BOD1L1: variants seen among roughly 807,000 people sequenced by gnomAD.
BOD1L1 encodes the protein biorientation of chromosomes in cell division 1 like 1.
A neutral mutation model predicts 240.7 loss-of-function variants in BOD1L1; 86 were observed. The ratio of observed to expected loss-of-function variants is 0.36; its 90% CI spans 0.30 to 0.43. The LOEUF (loss-of-function observed/expected upper bound fraction) is 0.43. Among genes scored for constraint, BOD1L1 ranks in the 20% least tolerant of loss-of-function variants. The pLI, the probability that BOD1L1 is intolerant of heterozygous loss-of-function variation, is 1.00. For missense variants in BOD1L1, 3,554 were observed against 3,643.5 expected, an observed-to-expected ratio of 0.98 and a Z score of 0.63; for synonymous variants, 1,268 against 1,272.3, an observed-to-expected ratio of 1.00 and a Z score of 0.07.
chr4:13,627,381 C>G lies in BOD1L1; in HGVS notation c.207G>C (p.Gln69His). 4 of 1,372,710 alleles carry G rather than the reference C, an allele frequency of 2.9e-6. No individual in the cohort carries two copies. Among genetic ancestry groups the G allele is most frequent in the Non-Finnish European group, 3.8e-6 (4 of 1,052,600 alleles). 85.0% of individuals were successfully genotyped at this position (1,372,710 alleles called of 1,614,324 possible). ...CGTCGGCCAGGCAGTCTCTGCGGAA[C>G]TGGTCGAAGAGCCCCTGGCTCTTGA... ...NHLKSQGLFDQFRRDCLADVD... is the reference protein window; with the variant it reads ...NHLKSQGLFDHFRRDCLADVD... Residue 69 changes from glutamine to histidine, a missense_variant, in exon 1 of 26, where the codon CAG becomes CAC. Gln to His is a conservative substitution (Grantham distance 24). This residue lies in a region of BOD1L1 where 161 missense variants were observed against 216.4 expected (regional missense o/e 0.74). Coordinates refer to ENST00000040738, the MANE Select transcript of BOD1L1 (RefSeq NM_148894.3).
rs774287134 is a variant in BOD1L1, at chr4:13,601,321, G to A, written c.5579C>T (p.Ala1860Val). 5.0e-6 allele frequency: 8 copies of A among 1,613,714 alleles called. No homozygotes were observed. The highest frequency in any genetic ancestry group is 2.2e-5 in the East Asian group (1 of 44,888). The change falls in exon 10 of 26, where the codon GCA becomes GTA. Residue 1860 changes from alanine (A) to valine (V), a missense_variant. Coordinates refer to ENST00000040738, the MANE Select transcript of BOD1L1 (RefSeq NM_148894.3). ...CTCCCCTTCCTCGTCTTCCTCTTTT[G>A]CGCCTGTGCTAGTCACAATGCCTTC... ...DDEGIVTSTG[A>V]KEEDEEGEDV...
chr4:13,624,272 C>A (rs1474915348), intron 1 of BOD1L1: 1 of 151,820 alleles, frequency 6.6e-6, no homozygotes, highest in African/African-American at 2.4e-5. Context: ...GTCTGAGCAC[C>A]AGAACTTCAA....
intron 25 of BOD1L1, among the ~76,000 whole-genome samples, chr4:13,573,470 A>ATCTTTCTTTCTT (rs139972436): frequency 1.6e-5 from 2 of 122,632 alleles, no homozygotes; most frequent in African/African-American, 6.0e-5. Flanking sequence ...CTATCTATCT[A>ATCTTTCTTTCTT]TCTTTCTTTC....
intron 13 of BOD1L1, among the ~76,000 whole-genome samples, 160 bp downstream of exon 13, chr4:13,591,763 G>C (rs1714238612): frequency 6.6e-6 from 1 of 152,168 alleles, no homozygotes; most frequent in Admixed American, 6.5e-5. Context: ...CTGCTGTCAG[G>C]ATGCTGAACT....
At chr4:13,586,518 A>C in intron 16 of BOD1L1, 43 bp from the exon 17 acceptor site, 1 of 1,323,326 alleles carries the variant, frequency 7.6e-7, no homozygotes, top group Non-Finnish European at 1.1e-6. Context: ...ACAAAAGCTA[A>C]ATGAAAAATG....
intron 25 of BOD1L1, among the ~76,000 whole-genome samples, chr4:13,575,148 T>G (rs1712599555): frequency 6.6e-6 from 1 of 151,932 alleles, no homozygotes; most frequent in African/African-American, 2.4e-5. Context: ...CTCGAACTCC[T>G]GACCTCGTGA....
In BOD1L1 at chr4:13,581,219, AT is replaced by A; in HGVS notation, c.8593-13del. ...ATTGGCTGATCTTCCTAAGGGGGAA[AT>A]AAAAAACAACAACAGCAATAAGAAA... is the stretch of plus-strand genomic sequence containing the variant. On this transcript the variant is annotated splice_polypyrimidine_tract_variant and intron_variant, in intron 19 of 25. Transcript: ENST00000040738. 6.6e-7 allele frequency: 1 copy of A among 1,526,660 alleles called. No individual in the cohort carries two copies. 94.6% of individuals were successfully genotyped at this position (1,526,660 alleles called of 1,614,324 possible).
chr4:13,603,623 T>A lies in BOD1L1; in HGVS notation c.3277A>T (p.Thr1093Ser). 1 of 1,613,936 alleles carries A rather than the reference T, an allele frequency of 6.2e-7. No individual in the cohort carries two copies. Among genetic ancestry groups the A allele is most frequent in the Non-Finnish European group, 8.5e-7 (1 of 1,179,862 alleles). Reference protein sequence around the residue: ...AKGEEKLAANTLSTPSGSSLQ... With the variant: ...AKGEEKLAANSLSTPSGSSLQ... The stretch of plus-strand genomic sequence containing the variant: ...GAGGAACCGCTGGGAGTGCTCAAAG[T>A]GTTTGCTGCTAATTTTTCTTCTCCT... The change falls in exon 10 of 26, where the codon ACT becomes TCT. Residue 1093 changes from threonine (T) to serine (S), a missense_variant. By Grantham distance (58) the Thr-to-Ser change is moderately conservative. Around this residue, in one of 2 missense-constraint regions of BOD1L1, gnomAD observed 3,393 missense variants for 3,427.1 expected, o/e 0.99. Coordinates refer to ENST00000040738, the MANE Select transcript of BOD1L1 (RefSeq NM_148894.3).
chr4:13,615,580 C>T (rs2108987206), intron 2 of BOD1L1, 78 bp from the exon 3 acceptor site: 3 of 1,291,966 alleles, frequency 2.3e-6, no homozygotes, highest in South Asian at 1.5e-5. Context: ...TAACACTCTA[C>T]AATCTGTCAT....
At chr4:13,586,800 G>C (rs1480151483) in intron 16 of BOD1L1, among the ~76,000 whole-genome samples, 2 of 152,212 alleles carry the variant, frequency 1.3e-5, no homozygotes, top group Non-Finnish European at 2.9e-5. Flanking sequence ...AAGAGGTATA[G>C]CTTAGTAATT....
Position 13,601,973 on chromosome 4 carries a change from T to C in BOD1L1, c.4927A>G (p.Asn1643Asp). The C allele has an allele frequency of 1.2e-6, 2 of 1,614,010 alleles. No individual in the cohort carries two copies. Among genetic ancestry groups the C allele is most frequent in the South Asian group, 1.1e-5 (1 of 91,084 alleles). ...TCCTTTTCCTCTGTCACAACGCTAT[T>C]TACATTGGCTTCGATTTTAACTGCA... ...VHAVKIEANV[N>D]SVVTEEKDDA... is the part of the protein sequence containing the mutation. Residue 1643 changes from asparagine to aspartate, a missense_variant, in exon 10 of 26, where the codon AAT becomes GAT. This residue lies in a region of BOD1L1 where 3,393 missense variants were observed against 3,427.1 expected (regional missense o/e 0.99). Coordinates refer to ENST00000040738, the MANE Select transcript of BOD1L1 (RefSeq NM_148894.3).
Position 13,602,682 on chromosome 4 carries a change from T to G in BOD1L1, c.4218A>C (p.Leu1406Phe), listed in dbSNP as rs770836802. ...CATTTTCTTTCTTGGCCATGTCCAC[T>G]AAGCCACCTTCTTTGGTAATATTCT... Reference protein sequence around the residue: ...ENENITKEGGLVDMAKKENDL... With the variant: ...ENENITKEGGFVDMAKKENDL... Residue 1406 changes from leucine to phenylalanine, a missense_variant, in exon 10 of 26, where the codon TTA (leucine) becomes TTC (phenylalanine). By Grantham distance (22) the Leu-to-Phe change is conservative. This residue lies in a region of BOD1L1 where 3,393 missense variants were observed against 3,427.1 expected (regional missense o/e 0.99). Transcript: ENST00000040738. 3 of 1,614,064 alleles carry G rather than the reference T, an allele frequency of 1.9e-6. No homozygotes were observed. The highest frequency in any genetic ancestry group is 2.5e-6 in the Non-Finnish European group (3 of 1,179,892).
chr4:13,579,153 C>T (rs1032388520), intron 22 of BOD1L1, among the ~76,000 whole-genome samples: 4 of 152,134 alleles, frequency 2.6e-5, no homozygotes, highest in Admixed American at 2.6e-4. Flanking sequence ...AGAGGACTGT[C>T]TTAAAATGGT....
At position 13,585,193 on chromosome 4, in the gene BOD1L1, G is replaced by T. The variant is rs188628412; in HGVS notation, c.8433+1203C>A. On this transcript the variant is annotated intron_variant, in intron 17 of 25. Coordinates refer to ENST00000040738, the MANE Select transcript of BOD1L1 (RefSeq NM_148894.3). Reference sequence around the variant, plus strand: ...TTGGTCAGAACCAACTAAAATTCATGACAATATGCCACTTTCCCTCTTAGG... The same window carrying T: ...TTGGTCAGAACCAACTAAAATTCATTACAATATGCCACTTTCCCTCTTAGG... Among the ~76,000 whole-genome samples the T allele has an allele frequency of 5.9e-5, 9 of 152,238 alleles. No homozygotes were observed. In the East Asian group the frequency reaches 1.7e-3, roughly 29 times the overall value.
Position 13,608,571 on chromosome 4 carries a change from T to G in BOD1L1, c.1701A>C (p.Glu567Asp). 6.5e-6 allele frequency: 10 copies of G among 1,544,608 alleles called. No individual in the cohort carries two copies. Among genetic ancestry groups the G allele is most frequent in the Non-Finnish European group, 8.7e-6 (10 of 1,148,116 alleles). Residue 567 changes from glutamate (E) to aspartate (D), a missense_variant, in exon 8 of 26, where the codon GAA becomes GAC. Glu to Asp is a conservative substitution (Grantham distance 45). Transcript: ENST00000040738. ...KEVLKERKVL[E>D]KKVALSKKRK... Reference sequence around the variant, plus strand: ...TCTTTTTGCTTAAGGCTACTTTTTTTTCTAAAACTTTCCGTTCTTTAAGGA... The same window carrying G: ...TCTTTTTGCTTAAGGCTACTTTTTTGTCTAAAACTTTCCGTTCTTTAAGGA...
intron 1 of BOD1L1, chr4:13,626,319 C>CAAA (rs71169520): frequency 4.7e-4 from 22 of 46,962 alleles, no homozygotes; most frequent in East Asian, 1.6e-3. Context: ...GACTCTGTCT[C>CAAA]AAAAAAAAAA....
At chr4:13,576,190 G>A (rs1489683845) in intron 25 of BOD1L1, among the ~76,000 whole-genome samples, 2 of 151,576 alleles carry the variant, frequency 1.3e-5, no homozygotes, top group Admixed American at 6.6e-5. Flanking sequence ...GTGAGTCACC[G>A]CGCCCAGCCC....
chr4:13,574,238 T>C (rs1712505553), intron 25 of BOD1L1, among the ~76,000 whole-genome samples: 1 of 152,116 alleles, frequency 6.6e-6, no homozygotes, highest in African/African-American at 2.4e-5. Context: ...AGGAAGACCC[T>C]TTCAGAGGAG....
Position 13,569,337 on chromosome 4 carries a change from C to A in BOD1L1, c.*674G>T, listed in dbSNP as rs1248227198. On this transcript the variant is annotated 3_prime_UTR_variant, in exon 26 of 26. Transcript: ENST00000040738. Reference sequence around the variant, plus strand: ...GCAAGTATAATCTAAAAACAAGTTACATTCTTAAAAAACAGAGCCACAACT... The same window carrying A: ...GCAAGTATAATCTAAAAACAAGTTAAATTCTTAAAAAACAGAGCCACAACT... 6.6e-6 allele frequency: 1 copy of A among 152,222 alleles called. No individual in the cohort carries two copies. Among genetic ancestry groups the A allele is most frequent in the East Asian group, 1.9e-4 (1 of 5,186 alleles). The allele number at this position is 152,222 out of a possible 1,614,324, so 9.4% of individuals were successfully genotyped here. A position where few individuals can be genotyped will look rare whatever the true frequency, so the allele number is the denominator to read the frequency against.
Sources: allele counts gnomAD v4.1 joint callset (sites outside exome capture counted in the v4.1 genomes callset), GRCh38; gene constraint gnomAD v4.1.1; regional missense constraint gnomAD v4.1.1; transcripts MANE v1.5; gene names NCBI Gene and HGNC (gene_info 2026-07-23, HGNC 2026-07-21).